The following ETFA variants were observed in gnomAD, a reference collection of about 807,000 sequenced individuals.
ETFA encodes electron transfer flavoprotein subunit alpha, mitochondrial.
A neutral mutation model predicts 46.2 loss-of-function variants in ETFA; 22 were observed. The ratio of observed to expected loss-of-function variants is 0.48; its 90% CI spans 0.34 to 0.68. The LOEUF is 0.68. ETFA is among the 30% of genes least tolerant of loss of function. ETFA has a pLI of 0.01. For missense variants in ETFA, 345 were observed against 401.1 expected, an observed-to-expected ratio of 0.86 and a Z score of 1.19; for synonymous variants, 131 against 139.9, an observed-to-expected ratio of 0.94 and a Z score of 0.45.
chr15:76,241,786 AGT>A (rs2039193460), intron 9 of ETFA, among the ~76,000 whole-genome samples: 1 of 114,378 alleles, frequency 8.7e-6, no homozygotes, highest in Non-Finnish European at 1.7e-5. Flanking sequence ...TGGGCGACAG[AGT>A]GAGACTCCAT....
At chr15:76,241,366 T>G (rs1439002749) in intron 9 of ETFA, among the ~76,000 whole-genome samples, 1 of 151,820 alleles carries the variant, frequency 6.6e-6, no homozygotes, top group Non-Finnish European at 1.5e-5. Flanking sequence ...TAGCTGGGTG[T>G]GGTGGGACAC....
chr15:76,250,631 C>G (rs1157603999), intron 9 of ETFA, among the ~76,000 whole-genome samples: 2 of 152,034 alleles, frequency 1.3e-5, no homozygotes, highest in Non-Finnish European at 2.9e-5. Context: ...CTCCCTGGCT[C>G]AAGTGATCCT....
intron 11 of ETFA, among the ~76,000 whole-genome samples, chr15:76,219,717 T>G (rs1402472209): frequency 2.0e-5 from 3 of 152,234 alleles, no homozygotes; most frequent in African/African-American, 2.4e-5. Context: ...GAACATCTTT[T>G]CATATGCTTA....
chr15:76,278,803 C>T (rs1205772291), intron 8 of ETFA, among the ~76,000 whole-genome samples: 1 of 152,160 alleles, frequency 6.6e-6, no homozygotes, highest in African/African-American at 2.4e-5. Context: ...CACATCTACC[C>T]ACCACCTGCA....
chr15:76,260,525 C>G, intron 9 of ETFA: 1 of 1,476,350 alleles, frequency 6.8e-7, no homozygotes, highest in Non-Finnish European at 9.4e-7. Flanking sequence ...TGGAGACACA[C>G]ACACGTACGA....
At chr15:76,266,702 G>A (rs974557413) in intron 9 of ETFA, among the ~76,000 whole-genome samples, 1 of 152,116 alleles carries the variant, frequency 6.6e-6, no homozygotes, top group Non-Finnish European at 1.5e-5. Context: ...AGGAGATGGA[G>A]ACCATCCTGG....
At chr15:76,235,421 T>G (rs1049402780) in intron 9 of ETFA, among the ~76,000 whole-genome samples, 4 of 152,174 alleles carry the variant, frequency 2.6e-5, no homozygotes, top group Admixed American at 2.6e-4. Flanking sequence ...GGCAGTAAAG[T>G]AACTTGAGAC....
chr15:76,259,520 T>C (rs1359115223), intron 9 of ETFA: 1 of 833,070 alleles, frequency 1.2e-6, no homozygotes, highest in East Asian at 2.4e-5. Context: ...TGCCAGCGTA[T>C]GGTGTCTGCC....
chr15:76,275,012 T>G, intron 8 of ETFA, among the ~76,000 whole-genome samples: 1 of 152,130 alleles, frequency 6.6e-6, no homozygotes, highest in East Asian at 1.9e-4. Flanking sequence ...CCTCTTCATC[T>G]CAAGCTGAAA....
At chr15:76,249,653 A>G (rs2039279112) in intron 9 of ETFA, among the ~76,000 whole-genome samples, 1 of 149,552 alleles carries the variant, frequency 6.7e-6, no homozygotes, top group Non-Finnish European at 1.5e-5. Context: ...GTGTTAGCCA[A>G]GATGGTCTCA....
rs2038894905 is a variant in ETFA at position 76,216,290 on chromosome 15, C to A, written c.*269G>T. On this transcript the variant is annotated 3_prime_UTR_variant, in exon 12 of 12. Coordinates refer to ENST00000557943, the MANE Select transcript of ETFA (RefSeq NM_000126.4). ...TTTTCTCTAGAGGCTAGGCATATTT[C>A]TGATAGTTTTAAAGCTGTGGAAAAG... The A allele has an allele frequency of 2.7e-6, 1 of 365,936 alleles. No homozygotes were observed. Among genetic ancestry groups the A allele is most frequent in the Admixed American group, 4.5e-5 (1 of 22,186 alleles). 22.7% of individuals were successfully genotyped at this position (365,936 alleles called of 1,614,324 possible).
At chr15:76,260,024 T>C in intron 9 of ETFA, 2 of 1,481,172 alleles carry the variant, frequency 1.4e-6, no homozygotes, top group South Asian at 2.3e-5. Flanking sequence ...AACTCTTCAA[T>C]GTCACTTGAG....
At chr15:76,246,874 C>T (rs1483290764) in intron 9 of ETFA, among the ~76,000 whole-genome samples, 4 of 151,400 alleles carry the variant, frequency 2.6e-5, no homozygotes, top group African/African-American at 4.8e-5. Context: ...AAAGATGAAG[C>T]AAAATTTCAT....
chr15:76,228,581 T>C (rs1014926320), intron 10 of ETFA, among the ~76,000 whole-genome samples: 4 of 152,180 alleles, frequency 2.6e-5, no homozygotes, highest in African/African-American at 7.2e-5. Context: ...GGGCTGGTTA[T>C]TGTTCTTCAG....
At chr15:76,269,091 G>C (rs984823007) in intron 9 of ETFA, among the ~76,000 whole-genome samples, 1 of 152,204 alleles carries the variant, frequency 6.6e-6, no homozygotes, top group East Asian at 1.9e-4. Flanking sequence ...CTCTACACTT[G>C]CAGATTTTGT....
rs2039718120 is a variant in ETFA, at chr15:76,287,931, T to C, written c.366A>G (p.Arg122=). 10 of 1,613,928 alleles carry C rather than the reference T, an allele frequency of 6.2e-6. No homozygotes were observed. The highest frequency in any genetic ancestry group is 7.6e-6 in the Non-Finnish European group (9 of 1,179,818). ...GGGCAACCTCAAGTTTGGCTGCTAC[T>C]CTGGGCAAAAGGTTCTAAAAGCAAA... ...ASAFGKNLLP[R]VAAKLEVAPI... Residue 122 remains arginine, a synonymous_variant, in exon 5 of 12, where the codon AGA becomes AGG. Coordinates refer to ENST00000557943, the MANE Select transcript of ETFA (RefSeq NM_000126.4).
At chr15:76,231,428 T>C (rs578168823) in intron 9 of ETFA, 30 bp from the exon 10 acceptor site, 8 of 1,331,466 alleles carry the variant, frequency 6.0e-6, no homozygotes, top group South Asian at 4.9e-5. Context: ...ATTATTAATA[T>C]GTATTTATAT....
chr15:76,292,954 T>C (rs2039782239), intron 2 of ETFA, among the ~76,000 whole-genome samples: 1 of 152,094 alleles, frequency 6.6e-6, no homozygotes, highest in African/African-American at 2.4e-5. Flanking sequence ...CTGGCCAACA[T>C]GGTGAAACCC....
chr15:76,226,619 C>T (rs1264827124), intron 10 of ETFA, among the ~76,000 whole-genome samples: 1 of 152,012 alleles, frequency 6.6e-6, no homozygotes, highest in Non-Finnish European at 1.5e-5. Flanking sequence ...TGGCTCACGC[C>T]TGTAATCCCA....
Sources: gnomAD v4.1 joint callset for allele counts (sites outside exome capture counted in the v4.1 genomes callset) on GRCh38, gnomAD v4.1.1 for gene constraint, MANE v1.5 for transcripts, NCBI Gene and HGNC (gene_info 2026-07-23, HGNC 2026-07-21) for gene names.